The following HSPA12A variants were observed in gnomAD, a reference collection of about 807,000 sequenced individuals.
HSPA12A encodes heat shock protein family A (Hsp70) member 12A.
A neutral mutation model predicts 69.2 loss-of-function variants in HSPA12A; 28 were observed. The observed-to-expected ratio is 0.40, with a 90% CI of 0.30 to 0.55. The LOEUF is 0.55. Among genes scored for constraint, HSPA12A ranks in the 20% least tolerant of loss-of-function variants. The pLI is 0.38. For missense variants in HSPA12A, 686 were observed against 900.7 expected (o/e 0.76, Z 3.05); for synonymous variants, 345 against 370.5 (o/e 0.93, Z 0.79).
chr10:116,785,948 T>C lies in HSPA12A; in HGVS notation c.91+48987A>G, dbSNP rs537474072. Among the ~76,000 whole-genome samples, 20 of 152,084 alleles carry C rather than the reference T, an allele frequency of 1.3e-4. No individual in the cohort carries two copies. The South Asian group carries it at 4.2e-3, about 32-fold the overall frequency. On this transcript the variant is annotated intron_variant, in intron 2 of 12. Transcript: ENST00000635765. ...CAGACTCTGCCTGAGTGGTCTAGCA[T>C]CCTCCCCTGCTTACATCTCTTTGTG...
Position 116,700,525 on chromosome 10 carries a change from T to G in HSPA12A, c.441+418A>C, listed in dbSNP as rs10886002. Among the ~76,000 whole-genome samples the G allele has an allele frequency of 4.5e-3, 683 of 152,258 alleles. 20 individuals carry two copies. The East Asian group carries it at 0.097, about 22-fold the overall frequency. ...ACATCCAAACTGGTTAGTTAAGAGC[T>G]ACTGCCCTGAGCTCGCCATGTGTCC... On this transcript the variant is annotated intron_variant, in intron 4 of 11. Coordinates refer to ENST00000369209, the MANE Select transcript of HSPA12A (RefSeq NM_025015.3).
At chr10:116,841,046 G>A (rs1845794334) in intron 1 of HSPA12A, among the ~76,000 whole-genome samples, 1 of 152,146 alleles carries the variant, frequency 6.6e-6, no homozygotes, top group African/African-American at 2.4e-5. Flanking sequence ...ACACACAAAT[G>A]GTGATGAGGG....
At chr10:116,830,797 T>C (rs1187579348) in intron 2 of HSPA12A, 2 of 135,516 alleles carry the variant, frequency 1.5e-5, no homozygotes, top group Admixed American at 6.9e-5. Flanking sequence ...TATATGTACA[T>C]ATATACAATA....
rs902964837 is a variant in HSPA12A at position 116,723,920 on chromosome 10, G to A, written c.41-16635C>T. Among the ~76,000 whole-genome samples, 16 of 152,204 alleles carry A rather than the reference G, an allele frequency of 1.1e-4. No homozygotes were observed. The highest frequency in any genetic ancestry group is 8.5e-4 in the Admixed American group (13 of 15,276). ...CCATACCCCAGTAGCTGAGGCCAGC[G>A]GGTCACCTGTACCCAGGCATAGACA... On this transcript the variant is annotated intron_variant, in intron 1 of 11. Coordinates refer to ENST00000369209, the MANE Select transcript of HSPA12A (RefSeq NM_025015.3). This position sits in a 1 kb window ranked among gnomAD's most constrained non-coding sequence, Gnocchi z 4.1.
intron 2 of HSPA12A, chr10:116,751,246 G>T: frequency 4.7e-6 from 1 of 211,686 alleles, no homozygotes; most frequent in South Asian, 9.7e-5. Context: ...CAGAGTTCAG[G>T]ATCAGGCTGC....
rs1342616610 is a variant in HSPA12A, at chr10:116,808,156, A to G, written c.91+26779T>C. 3.3e-5 allele frequency among the ~76,000 whole-genome samples: 5 copies of G among 152,136 alleles called. No individual in the cohort carries two copies. The East Asian group carries it at 7.7e-4, about 23-fold the overall frequency. On this transcript the variant is annotated intron_variant, in intron 2 of 12. Transcript: ENST00000635765. ...GAAAGTCCCCAGGGCTTTTGGAGGA[A>G]TATAGAAGAGTTTGGCGAAGGGGCC...
At position 116,845,003 on chromosome 10, in the gene HSPA12A, G is replaced by C. The variant is rs1285313098; in HGVS notation, c.3+4563C>G. Reference sequence around the variant, plus strand: ...AGCAGATTGCAATAGATTATGTCCTGATATTTTATCTTAAATTAGAGTTAT... The same window carrying C: ...AGCAGATTGCAATAGATTATGTCCTCATATTTTATCTTAAATTAGAGTTAT... On this transcript the variant is annotated intron_variant, in intron 1 of 12. Coordinates refer to the HSPA12A transcript ENST00000635765. Among the ~76,000 whole-genome samples the C allele has an allele frequency of 2.6e-5, 4 of 152,110 alleles. 1 individual carries two copies. The highest frequency in any genetic ancestry group is 9.7e-5 in the African/African-American group (4 of 41,420).
At chr10:116,685,580 A>G (rs544725906) in intron 6 of HSPA12A, among the ~76,000 whole-genome samples, 1 of 151,366 alleles carries the variant, frequency 6.6e-6, no homozygotes, top group South Asian at 2.1e-4. Context: ...GGTTGCAGTG[A>G]GCCGAGATGG....
At chr10:116,735,297 C>T (rs1222905076) in intron 1 of HSPA12A, among the ~76,000 whole-genome samples, 1 of 152,224 alleles carries the variant, frequency 6.6e-6, no homozygotes, top group East Asian at 1.9e-4. Context: ...AAAATAGCCA[C>T]ACATTCTTTG....
chr10:116,692,206 C>T, intron 6 of HSPA12A, 145 bp downstream of exon 6: 1 of 650,454 alleles, frequency 1.5e-6, no homozygotes, highest in Non-Finnish European at 2.7e-6. Context: ...TGTCTCCCAG[C>T]TCCCACCCTG....
intron 2 of HSPA12A, among the ~76,000 whole-genome samples, chr10:116,819,895 C>T (rs879916757): frequency 2.6e-5 from 4 of 152,148 alleles, no homozygotes; most frequent in African/African-American, 4.8e-5. Flanking sequence ...GGCATAAACT[C>T]GGCTTACTGC....
At chr10:116,731,733 A>G (rs1341786295) in intron 1 of HSPA12A, among the ~76,000 whole-genome samples, 2 of 151,984 alleles carry the variant, frequency 1.3e-5, no homozygotes, top group African/African-American at 2.4e-5. Context: ...GGAGATAATT[A>G]CTCTCTGACC....
At chr10:116,691,542 T>C (rs1488014733) in intron 6 of HSPA12A, among the ~76,000 whole-genome samples, 1 of 152,108 alleles carries the variant, frequency 6.6e-6, no homozygotes, top group African/African-American at 2.4e-5. Flanking sequence ...CAAAACTGAC[T>C]CTCAATACAC....
chr10:116,803,996 T>C (rs1360680912), intron 2 of HSPA12A, among the ~76,000 whole-genome samples: 1 of 152,002 alleles, frequency 6.6e-6, no homozygotes, highest in Admixed American at 6.6e-5. Flanking sequence ...AGAAGCAAAA[T>C]GTGAGAATCT....
At chr10:116,725,402 T>C (rs1227032429) in intron 1 of HSPA12A, among the ~76,000 whole-genome samples, 4 of 151,986 alleles carry the variant, frequency 2.6e-5, no homozygotes, top group Non-Finnish European at 5.9e-5. Flanking sequence ...AGCATCCCAG[T>C]GTTGTTCAGT....
At chr10:116,850,027 A>T (rs1846027817), upstream of HSPA12A, 2 of 545,072 alleles carry the variant, frequency 3.7e-6, no homozygotes, top group Non-Finnish European at 6.6e-6. Context: ...GCTGCCTAAG[A>T]GGCCTCTCCG....
At chr10:116,772,982 C>T (rs117756847) in intron 2 of HSPA12A, among the ~76,000 whole-genome samples, 1,533 of 152,314 alleles carry the variant, frequency 0.01, 17 homozygotes, top group Non-Finnish European at 0.016. Flanking sequence ...TATTAACAGG[C>T]ATGAGCCACT....
intron 1 of HSPA12A, among the ~76,000 whole-genome samples, chr10:116,735,558 C>T (rs1252169173): frequency 1.3e-5 from 2 of 152,142 alleles, no homozygotes; most frequent in Non-Finnish European, 2.9e-5. Flanking sequence ...CAGCCAGCAC[C>T]AACCCCCAGA....
At chr10:116,738,996 T>G (rs1851397093) in intron 1 of HSPA12A, among the ~76,000 whole-genome samples, 1 of 152,240 alleles carries the variant, frequency 6.6e-6, no homozygotes, top group African/African-American at 2.4e-5. Context: ...AGCATCACCC[T>G]GACCTTTGCT....
Sources: allele counts gnomAD v4.1 joint callset (sites outside exome capture counted in the v4.1 genomes callset), GRCh38; gene constraint gnomAD v4.1.1; non-coding constraint Gnocchi (gnomAD v3.1); transcripts MANE v1.5; gene names NCBI Gene and HGNC (gene_info 2026-07-23, HGNC 2026-07-21).